Variants in UBXN7 observed in about 807,000 individuals in gnomAD.
UBXN7 encodes the protein UBX domain protein 7.
UBXN7 carries 9 observed loss-of-function variants against 58.0 expected under a neutral mutation model. The ratio of observed to expected loss-of-function variants is 0.16; its 90% CI spans 0.09 to 0.27. The LOEUF is 0.27. Ranked by LOEUF, UBXN7 falls within the 10% of genes least tolerant of loss-of-function variation. The pLI is 1.00. For synonymous variants in UBXN7, 208 were observed against 205.0 expected, an observed-to-expected ratio of 1.01 and a Z score of -0.12; for missense variants, 328 against 599.6, an observed-to-expected ratio of 0.55 and a Z score of 4.73.
At chr3:196,376,564 A>AAAAAG (rs1560224108) in intron 5 of UBXN7, among the ~76,000 whole-genome samples, 223 of 147,966 alleles carry the variant, frequency 1.5e-3, no homozygotes, top group African/African-American at 4.2e-3. Flanking sequence ...AAAAAAAAAA[A>AAAAAG]AAAAGAAAAG....
intron 1 of UBXN7, among the ~76,000 whole-genome samples, chr3:196,412,885 T>C (rs1430400169): frequency 6.6e-6 from 1 of 152,158 alleles, no homozygotes; most frequent in African/African-American, 2.4e-5. Flanking sequence ...GAAAGTAGAA[T>C]GATGGTTGCC....
At chr3:196,387,197 C>A (rs920308393) in intron 5 of UBXN7, among the ~76,000 whole-genome samples, 1 of 152,168 alleles carries the variant, frequency 6.6e-6, no homozygotes, top group Admixed American at 6.5e-5. Context: ...AAAGGATTCC[C>A]TATTTAATAA....
intron 8 of UBXN7, among the ~76,000 whole-genome samples, chr3:196,366,530 C>T (rs534235293): frequency 6.6e-6 from 1 of 151,814 alleles, no homozygotes; most frequent in South Asian, 2.1e-4. Context: ...CCACTGCAGT[C>T]CAGCCTGGGC....
At chr3:196,401,223 C>CT (rs1477018183) in intron 3 of UBXN7, among the ~76,000 whole-genome samples, 2 of 88,798 alleles carry the variant, frequency 2.3e-5, no homozygotes, top group Non-Finnish European at 4.1e-5. Flanking sequence ...ATCAGCCTGA[C>CT]TAACATGGAG....
chr3:196,427,499 G>T (rs1017176228), intron 1 of UBXN7, among the ~76,000 whole-genome samples: 1 of 152,068 alleles, frequency 6.6e-6, no homozygotes, highest in East Asian at 1.9e-4. Flanking sequence ...TGTATTTTTC[G>T]GAGAGACAGG....
chr3:196,372,809 G>A (rs1043746092), intron 5 of UBXN7, among the ~76,000 whole-genome samples: 5 of 150,704 alleles, frequency 3.3e-5, no homozygotes, highest in Non-Finnish European at 5.9e-5. Context: ...ACAATGGCAC[G>A]ATCTCGGCTC....
chr3:196,362,591 C>G lies in UBXN7; in HGVS notation c.931G>C (p.Asp311His). ...TCAGATTCTTCATCTGAGCGGCTATCCTGTTTTGTCTGTGTTGAATCAAAA... is the reference window on the plus strand; with the variant it reads ...TCAGATTCTTCATCTGAGCGGCTATGCTGTTTTGTCTGTGTTGAATCAAAA... ...THFDSTQTKQ[D>H]SRSDEESESE... The change falls in exon 9 of 11, where the codon GAT becomes CAT. Residue 311 changes from aspartate (D) to histidine (H), a missense_variant. Asp to His is a moderately conservative substitution (Grantham distance 81). Transcript: ENST00000296328. 1 of 1,614,210 alleles carries G rather than the reference C, an allele frequency of 6.2e-7. No individual in the cohort carries two copies. The highest frequency in any genetic ancestry group is 1.6e-4 in the Middle Eastern group (1 of 6,062).
At chr3:196,370,305 G>T (rs975642856) in intron 6 of UBXN7, among the ~76,000 whole-genome samples, 1 of 150,900 alleles carries the variant, frequency 6.6e-6, no homozygotes, top group Non-Finnish European at 1.5e-5. Context: ...TTTTAAATTA[G>T]CCAGGTTTAA....
At chr3:196,401,065 C>T (rs1205832904) in intron 3 of UBXN7, among the ~76,000 whole-genome samples, 2 of 150,976 alleles carry the variant, frequency 1.3e-5, no homozygotes, top group Admixed American at 6.6e-5. Flanking sequence ...CAAATCTAGA[C>T]AGTATATTCT....
chr3:196,427,594 C>G lies in UBXN7; in HGVS notation c.73+4733G>C, dbSNP rs548196365. On this transcript the variant is annotated intron_variant, in intron 1 of 10. Transcript: ENST00000296328. Reference sequence around the variant, plus strand: ...TGGCCTCCCAAAGTGCCTGGGATTACAGGCGTGAGCCACCGCACCTGGCTT... The same window carrying G: ...TGGCCTCCCAAAGTGCCTGGGATTAGAGGCGTGAGCCACCGCACCTGGCTT... Among the ~76,000 whole-genome samples the G allele has an allele frequency of 1.2e-3, 190 of 152,334 alleles. 2 individuals carry two copies. Among genetic ancestry groups the G allele is most frequent in the African/African-American group, 4.3e-3 (180 of 41,578 alleles).
chr3:196,385,006 GCTCTCC>G (rs939772297), intron 5 of UBXN7, among the ~76,000 whole-genome samples: 18 of 151,986 alleles, frequency 1.2e-4, no homozygotes, highest in Admixed American at 2.6e-4. Context: ...TGAGGAAGTC[GCTCTCC>G]CTCTCCCTCT....
chr3:196,430,511 C>T (rs1730995915), intron 1 of UBXN7, among the ~76,000 whole-genome samples: 1 of 152,010 alleles, frequency 6.6e-6, no homozygotes, highest in African/African-American at 2.4e-5. Flanking sequence ...CCTCAGCCTC[C>T]CCAGTAGCTG....
At chr3:196,366,918 C>T (rs1728686340) in intron 8 of UBXN7, among the ~76,000 whole-genome samples, 1 of 152,082 alleles carries the variant, frequency 6.6e-6, no homozygotes, top group African/African-American at 2.4e-5. Flanking sequence ...CGCGTTAGCT[C>T]ACGCCTGTAA....
intron 5 of UBXN7, among the ~76,000 whole-genome samples, chr3:196,386,502 A>G (rs1363384285): frequency 6.6e-6 from 1 of 152,132 alleles, no homozygotes; most frequent in Non-Finnish European, 1.5e-5. Context: ...TAAGCTGATA[A>G]GCAACTTCAG....
intron 5 of UBXN7, among the ~76,000 whole-genome samples, chr3:196,377,384 C>T (rs1208396648): frequency 1.1e-4 from 16 of 152,160 alleles, no homozygotes; most frequent in Admixed American, 9.8e-4. Context: ...CGCATTCCCT[C>T]GCTTCACTAA....
chr3:196,402,910 A>G (rs1730037189), intron 3 of UBXN7, 42 bp downstream of exon 3: 2 of 1,574,186 alleles, frequency 1.3e-6, no homozygotes, highest in African/African-American at 2.8e-5. Context: ...AAAATCCTAA[A>G]GAACAAAATC....
At chr3:196,408,485 A>C (rs1163956574) in intron 1 of UBXN7, among the ~76,000 whole-genome samples, 4 of 152,232 alleles carry the variant, frequency 2.6e-5, no homozygotes, top group African/African-American at 4.8e-5. Context: ...AGTTGGAAAT[A>C]ACATAAATGT....
chr3:196,431,002 G>A (rs1330717218), intron 1 of UBXN7, among the ~76,000 whole-genome samples: 1 of 152,056 alleles, frequency 6.6e-6, no homozygotes, highest in Non-Finnish European at 1.5e-5. Flanking sequence ...GATGTTCCAT[G>A]CCCACAAGCT....
intron 10 of UBXN7, 104 bp downstream of exon 10, chr3:196,361,740 T>C (rs1181041532): frequency 6.3e-6 from 6 of 949,994 alleles, no homozygotes; most frequent in East Asian, 4.9e-5. Context: ...TAATAGACTA[T>C]GGAATAATGT....
Sources: allele counts gnomAD v4.1 joint callset (sites outside exome capture counted in the v4.1 genomes callset), GRCh38; gene constraint gnomAD v4.1.1; transcripts MANE v1.5; gene names NCBI Gene and HGNC (gene_info 2026-07-23, HGNC 2026-07-21).